LYSET: variants seen among roughly 807,000 people sequenced by gnomAD.
LYSET encodes the protein GNPTAB cleavage and activity factor.
At chr14:93,185,868 C>CTTTT in the LYSET span, among the ~76,000 whole-genome samples, 9 of 141,772 alleles carry the variant, frequency 6.3e-5, no homozygotes, top group African/African-American at 1.9e-4. Context: ...TTTTAGAATT[C>CTTTT]TTTTTTTTTT....
At chr14:93,186,770 C>T in the LYSET span, 33 of 1,322,198 alleles carry the variant, frequency 2.5e-5, no homozygotes, top group East Asian at 9.5e-5. Flanking sequence ...AGGAAGTTGT[C>T]GTGGGGCAGA....
the LYSET span, chr14:93,185,510 T>G: frequency 6.3e-7 from 1 of 1,594,758 alleles, no homozygotes; most frequent in Non-Finnish European, 8.6e-7. Context: ...GTTACTGTCT[T>G]AACTTGGGGG....
the LYSET span, chr14:93,185,130 G>C: frequency 6.6e-6 from 1 of 150,890 alleles, no homozygotes; most frequent in Non-Finnish European, 1.5e-5. Flanking sequence ...CCCGGGCCTG[G>C]CGCCGCCTGC....
the LYSET span, chr14:93,185,568 C>A: frequency 1.7e-6 from 2 of 1,157,130 alleles, no homozygotes; most frequent in Non-Finnish European, 2.6e-6. Context: ...TACTGTTATG[C>A]CAGAAAGTGT....
chr14:93,186,726 C>T, the LYSET span: 1 of 1,516,818 alleles, frequency 6.6e-7, no homozygotes, highest in South Asian at 1.3e-5. Flanking sequence ...TATATGGAGT[C>T]TGATCACAAG....
At chr14:93,186,469 C>T in the LYSET span, 1 of 1,614,244 alleles carries the variant, frequency 6.2e-7, no homozygotes, top group Middle Eastern at 1.6e-4. Flanking sequence ...CAATTACTCT[C>T]CTTGCCTTTT....
At chr14:93,185,377 G>T in the LYSET span, 4 of 1,609,608 alleles carry the variant, frequency 2.5e-6, no homozygotes, top group African/African-American at 5.3e-5. Flanking sequence ...GTGACCCAGG[G>T]GATTTATTTT....
chr14:93,186,532 T>C, the LYSET span: 1 of 1,614,250 alleles, frequency 6.2e-7, no homozygotes, highest in South Asian at 1.1e-5. Flanking sequence ...TTTTTGTTCC[T>C]ATACTCTTGT....
the LYSET span, chr14:93,186,505 T>A: frequency 3.1e-6 from 5 of 1,614,232 alleles, no homozygotes; most frequent in Non-Finnish European, 4.2e-6. Flanking sequence ...ATTTTTCTGG[T>A]ACCTTACTTA....
the LYSET span, chr14:93,186,208 T>TG: frequency 6.6e-7 from 1 of 1,517,832 alleles, no homozygotes; most frequent in Non-Finnish European, 8.9e-7. Flanking sequence ...TTGGAGTAGT[T>TG]GCCGTGACAG....
the LYSET span, among the ~76,000 whole-genome samples, chr14:93,187,741 C>T: frequency 1.2e-4 from 18 of 152,090 alleles, no homozygotes; most frequent in African/African-American, 4.3e-4. Context: ...CTCCACCTCT[C>T]GGGTTTAAGC....
chr14:93,185,777 C>T, the LYSET span, among the ~76,000 whole-genome samples: 1 of 151,488 alleles, frequency 6.6e-6, no homozygotes, highest in Admixed American at 6.6e-5. Context: ...GTAAGTATTA[C>T]ACAAAACAAC....
chr14:93,186,038 T>G, the LYSET span, among the ~76,000 whole-genome samples: 2 of 151,914 alleles, frequency 1.3e-5, no homozygotes, highest in African/African-American at 4.8e-5. Flanking sequence ...CCGGCTATTT[T>G]TTTTGTATTT....
At chr14:93,187,369 C>T in the LYSET span, among the ~76,000 whole-genome samples, 1 of 152,090 alleles carries the variant, frequency 6.6e-6, no homozygotes, top group Non-Finnish European at 1.5e-5. Flanking sequence ...AGCTTTCCTC[C>T]TCTCTCTGGC....
the LYSET span, among the ~76,000 whole-genome samples, chr14:93,187,417 C>T: frequency 6.6e-6 from 1 of 152,022 alleles, no homozygotes; most frequent in African/African-American, 2.4e-5. Flanking sequence ...AGCTACCATG[C>T]CCAGCTATTT....
chr14:93,186,196 A>C, the LYSET span: 9 of 1,474,850 alleles, frequency 6.1e-6, no homozygotes, highest in Non-Finnish European at 8.3e-6. Context: ...AAGCAAGTAC[A>C]TTTGGAGTAG....
the LYSET span, chr14:93,186,769 T>G: frequency 7.5e-7 from 1 of 1,337,246 alleles, no homozygotes; most frequent in African/African-American, 1.5e-5. Context: ...CAGGAAGTTG[T>G]CGTGGGGCAG....
the LYSET span, chr14:93,185,038 A>C: frequency 6.7e-6 from 1 of 150,302 alleles, no homozygotes; most frequent in Non-Finnish European, 1.5e-5. Context: ...GGAAGGTGAG[A>C]TCCGGGACCT....
chr14:93,185,361 A>T, the LYSET span: 1 of 1,596,748 alleles, frequency 6.3e-7, no homozygotes, highest in South Asian at 1.1e-5. Context: ...CCTTTCTCCT[A>T]GCCGGGTGAC....
Sources: allele counts gnomAD v4.1 joint callset (sites outside exome capture counted in the v4.1 genomes callset), GRCh38; gene constraint gnomAD v4.1.1; transcripts MANE v1.5; gene names NCBI Gene and HGNC (gene_info 2026-07-23, HGNC 2026-07-21).